COL6A3: variants seen among roughly 807,000 people sequenced by gnomAD.
COL6A3 encodes the protein collagen type VI alpha 3 chain.
Under a neutral mutation model 274.1 loss-of-function variants are expected in COL6A3, and 137 were observed. The observed-to-expected ratio is 0.50, with a 90% CI of 0.44 to 0.58. COL6A3 has a LOEUF of 0.58. COL6A3 is among the 20% of genes least tolerant of loss of function. The pLI, the probability that COL6A3 is intolerant of heterozygous loss-of-function variation, is 0.00. For missense variants in COL6A3, 3,950 were observed against 4,124.9 expected (o/e 0.96, Z 1.16); for synonymous variants, 1,650 against 1,650.6 (o/e 1.00, Z 0.01).
intron 21 of COL6A3, 23 bp from the exon 22 acceptor site, chr2:237,357,905 A>C (rs1245737785): frequency 6.2e-7 from 1 of 1,610,128 alleles, no homozygotes; most frequent in African/African-American, 1.3e-5. Context: ...TGGGAAAGGG[A>C]AATGAGCCAC....
At position 237,344,297 on chromosome 2, in the gene COL6A3, T is replaced by A; in HGVS notation, c.7668+53A>T. On this transcript the variant is annotated intron_variant, in intron 36 of 43. Coordinates refer to ENST00000295550, the MANE Select transcript of COL6A3 (RefSeq NM_004369.4). The surrounding 1 kb of genome is among the most constrained non-coding windows in gnomAD (Gnocchi z 4.8). The stretch of plus-strand genomic sequence containing the variant: ...GGAGCATGGACGTGTCTGAGAACCT[T>A]CTCAGAGCCCCAGAAGAAAGGGAGA... 2 of 1,613,530 alleles carry A rather than the reference T, an allele frequency of 1.2e-6. No individual in the cohort carries two copies. The highest frequency in any genetic ancestry group is 1.7e-6 in the Non-Finnish European group (2 of 1,179,928).
At chr2:237,336,082 G>T in intron 40 of COL6A3, 53 bp downstream of exon 40, 1 of 1,607,070 alleles carries the variant, frequency 6.2e-7, no homozygotes. Context: ...ACACACCCTG[G>T]AGCAGGAAAT....
intron 6 of COL6A3, 41 bp from the exon 7 acceptor site, chr2:237,377,385 C>A: frequency 1.9e-6 from 3 of 1,582,664 alleles, no homozygotes; most frequent in Non-Finnish European, 2.6e-6. Flanking sequence ...GGGACGAGAG[C>A]ATAACAGGAA....
At chr2:237,408,709 CT>C (rs1373273901) in intron 1 of COL6A3, among the ~76,000 whole-genome samples, 1 of 152,184 alleles carries the variant, frequency 6.6e-6, no homozygotes, top group Non-Finnish European at 1.5e-5. Flanking sequence ...TCCCATTGTA[CT>C]TTTCCCTGGC....
intron 42 of COL6A3, 23 bp downstream of exon 42, chr2:237,333,427 G>A: frequency 1.9e-6 from 3 of 1,599,248 alleles, no homozygotes; most frequent in Non-Finnish European, 1.7e-6. Context: ...GCCATTAATG[G>A]ACCTAATAGT....
At position 237,334,823 on chromosome 2, in the gene COL6A3, C is replaced by A. The variant is rs757374995; in HGVS notation, c.9032G>T (p.Arg3011Met). 7.4e-6 allele frequency: 12 copies of A among 1,614,030 alleles called. No individual in the cohort carries two copies. The Admixed American group carries it at 2.0e-4, about 27-fold the overall frequency. ...TENSAKLHWE[R>M]AEPPGPYFYD... ...AAAATAAGGACCGGGGGGCTCAGCC[C>A]TCTCCCAGTGGAGTTTGGCGCTGTT... The change falls in exon 41 of 44, where the codon AGG (arginine) becomes ATG (methionine). Residue 3011 changes from arginine (R) to methionine (M), a missense_variant. Arg to Met is a moderately conservative substitution (Grantham distance 91). This residue lies in a region of COL6A3 where 1,284 missense variants were observed against 1,349.7 expected (regional missense o/e 0.95). Coordinates refer to ENST00000295550, the MANE Select transcript of COL6A3 (RefSeq NM_004369.4).
Position 237,336,275 on chromosome 2 carries a change from G to A in COL6A3, c.8825C>T (p.Ala2942Val), listed in dbSNP as rs757146083. 2.2e-5 allele frequency: 36 copies of A among 1,613,870 alleles called. No individual in the cohort carries two copies. Among genetic ancestry groups the A allele is most frequent in the Middle Eastern group, 1.6e-4 (1 of 6,084 alleles). The change falls in exon 40 of 44, where the codon GCG becomes GTG. Residue 2942 changes from alanine (A) to valine (V), a missense_variant. Physicochemically the swap from Ala to Val is moderately conservative, Grantham distance 64 (BLOSUM62 0). Transcript: ENST00000295550. ...TGCTGGCTTTGCTGCTACAGGCTTC[G>A]CTGCCGTTGCTGGCTTCACCGCCAC... is the stretch of plus-strand genomic sequence containing the variant. ...PPVAVKPATA[A>V]KPVAAKPAAV... is the part of the protein sequence containing the mutation.
At chr2:237,349,218 C>T (rs759340227) in intron 28 of COL6A3, among the ~76,000 whole-genome samples, 6 of 151,720 alleles carry the variant, frequency 4.0e-5, no homozygotes, top group East Asian at 1.9e-4. Context: ...CAGAACTGGA[C>T]GTCATTAATT....
At chr2:237,348,698 C>T (rs749639451) in intron 28 of COL6A3, 35 bp from the exon 29 acceptor site, 11 of 1,601,652 alleles carry the variant, frequency 6.9e-6, no homozygotes, top group Non-Finnish European at 9.4e-6. Flanking sequence ...TGTAGGTCGC[C>T]ATGCCTGGCA....
At chr2:237,411,302 C>T (rs546407468) in intron 1 of COL6A3, among the ~76,000 whole-genome samples, 82 of 152,272 alleles carry the variant, frequency 5.4e-4, no homozygotes, top group African/African-American at 1.9e-3. Context: ...AAGTGTCACG[C>T]AATAGTATTC....
chr2:237,381,328 G>C lies in COL6A3; in HGVS notation c.1484C>G (p.Pro495Arg). Residue 495 changes from proline (P) to arginine (R), a missense_variant, in exon 5 of 44, where the codon CCT (proline) becomes CGT (arginine). By Grantham distance (103) the Pro-to-Arg change is moderately radical. Around this residue, in one of 5 missense-constraint regions of COL6A3, gnomAD observed 1,934 missense variants for 1,984.3 expected, o/e 0.97. Coordinates refer to ENST00000295550, the MANE Select transcript of COL6A3 (RefSeq NM_004369.4). ...AVAQYADTVR[P>R]EFYFNTHPTK... ...TGGATGGGTATTGAAATAAAATTCA[G>C]GCCTCACAGTGTCTGCATACTGGGC... is the stretch of plus-strand genomic sequence containing the variant. 8.1e-6 allele frequency: 13 copies of C among 1,614,188 alleles called. No individual in the cohort carries two copies. Among genetic ancestry groups the C allele is most frequent in the Non-Finnish European group, 1.1e-5 (13 of 1,180,040 alleles).
Position 237,336,485 on chromosome 2 carries a change from G to A in COL6A3, c.8615C>T (p.Thr2872Met), listed in dbSNP as rs759009226. 2.4e-5 allele frequency: 39 copies of A among 1,614,108 alleles called. No individual in the cohort carries two copies. The highest frequency in any genetic ancestry group is 1.6e-4 in the East Asian group (7 of 44,904). Reference sequence around the variant, plus strand: ...CGTCGTAGTCACCGGCTTCGTTGTCGTCACTGGGTTGGATGTAGGACTTGA... The same window carrying A: ...CGTCGTAGTCACCGGCTTCGTTGTCATCACTGGGTTGGATGTAGGACTTGA... ...VTSSPTSNPV[T>M]TTKPVTTTKP... Residue 2872 changes from threonine (T) to methionine (M), a missense_variant, in exon 40 of 44, where the codon ACG becomes ATG. Thr to Met is a moderately conservative substitution (Grantham distance 81). This residue lies in a region of COL6A3 where 1,284 missense variants were observed against 1,349.7 expected (regional missense o/e 0.95). Coordinates refer to ENST00000295550, the MANE Select transcript of COL6A3 (RefSeq NM_004369.4).
At chr2:237,377,512 G>A (rs758549629) in intron 6 of COL6A3, among the ~76,000 whole-genome samples, 168 bp from the exon 7 acceptor site, 2 of 152,180 alleles carry the variant, frequency 1.3e-5, no homozygotes, top group Non-Finnish European at 2.9e-5. Flanking sequence ...TCTTGAAAAT[G>A]TCCTATTTCA....
Position 237,394,606 on chromosome 2 carries a change from T to C in COL6A3, c.690A>G (p.Glu230=). The C allele has an allele frequency of 6.2e-7, 1 of 1,614,144 alleles. No individual in the cohort carries two copies. Among genetic ancestry groups the C allele is most frequent in the Non-Finnish European group, 8.5e-7 (1 of 1,180,020 alleles). ...SVSPERAGDT[E]TLKDITAQDS... ...CATTACCTGTGATGTCTTTAAGGGT[T>C]TCCGTGTCCCCAGCCCTTTCTGGAC... Residue 230 remains glutamate, a synonymous_variant, in exon 3 of 44, where the codon GAA becomes GAG. Transcript: ENST00000295550.
In COL6A3 at chr2:237,344,416, TGA is replaced by T; in HGVS notation, c.7600_7601del (p.Ser2534ArgfsTer25). The T allele has an allele frequency of 6.2e-7, 1 of 1,614,186 alleles. No individual in the cohort carries two copies. The highest frequency in any genetic ancestry group is 8.5e-7 in the Non-Finnish European group (1 of 1,180,008). ...PQLREAVLKL[S>X]DAGITPLFLT... The stretch of plus-strand genomic sequence containing the variant: ...GGAACAAGGGGGTGATCCCCGCATC[TGA>T]GAGCTTGAGCACAGCCTCTCTGAGC... On this transcript the variant is annotated frameshift_variant, in exon 36 of 44. Coordinates refer to ENST00000295550, the MANE Select transcript of COL6A3 (RefSeq NM_004369.4). LOFTEE classifies it high-confidence loss of function. The surrounding 1 kb of genome is among the most constrained non-coding windows in gnomAD (Gnocchi z 4.8).
Position 237,365,750 on chromosome 2 carries a change from G to T in COL6A3, c.5786C>A (p.Thr1929Asn), listed in dbSNP as rs1003990012. 6.2e-7 allele frequency: 1 copy of T among 1,614,198 alleles called. No homozygotes were observed. The highest frequency in any genetic ancestry group is 8.5e-7 in the Non-Finnish European group (1 of 1,180,046). The part of the protein sequence containing the change: ...SQHPYVLTED[T>N]LKVYLNKFRQ... ...GAACTTGTTCAGGTAGACCTTCAGG[G>T]TGTCCTCCGTGAGGACGTAGGGGTG... is the stretch of plus-strand genomic sequence containing the variant. Residue 1929 changes from threonine (T) to asparagine (N), a missense_variant, in exon 12 of 44, where the codon ACC (threonine) becomes AAC (asparagine). Coordinates refer to ENST00000295550, the MANE Select transcript of COL6A3 (RefSeq NM_004369.4).
chr2:237,351,007 G>T, intron 27 of COL6A3, 123 bp downstream of exon 27: 1 of 894,234 alleles, frequency 1.1e-6, no homozygotes, highest in Non-Finnish European at 1.9e-6. Context: ...CAACAGGGGA[G>T]GCTGGAGTGG....
chr2:237,371,940 G>A lies in COL6A3; in HGVS notation c.4077C>T (p.Leu1359=). The A allele has an allele frequency of 6.2e-7, 1 of 1,614,048 alleles. No homozygotes were observed. The highest frequency in any genetic ancestry group is 8.5e-7 in the Non-Finnish European group (1 of 1,180,032). The change falls in exon 9 of 44, where the codon CTC becomes CTT. Residue 1359 remains leucine, a synonymous_variant. Transcript: ENST00000295550. This position sits in a 1 kb window ranked among gnomAD's most constrained non-coding sequence, Gnocchi z 4.3. Reference sequence around the variant, plus strand: ...TGAAAGGGGCCACGCCAAACTGCTTGAGCTCCACCGCCGGGTCGTCCACCT... The same window carrying A: ...TGAAAGGGGCCACGCCAAACTGCTTAAGCTCCACCGCCGGGTCGTCCACCT... ...DDEVDDPAVE[L]KQFGVAPFTI...
chr2:237,329,923 G>A (rs1433335953), intron 42 of COL6A3: 2 of 152,154 alleles, frequency 1.3e-5, no homozygotes, highest in Non-Finnish European at 2.9e-5. Context: ...TATACAATTG[G>A]CCCAGTCATG....
Sources: gnomAD v4.1 joint callset for allele counts (sites outside exome capture counted in the v4.1 genomes callset) on GRCh38, gnomAD v4.1.1 for gene constraint, gnomAD v4.1.1 regional missense constraint, Gnocchi (gnomAD v3.1) non-coding constraint, MANE v1.5 for transcripts, NCBI Gene and HGNC (gene_info 2026-07-23, HGNC 2026-07-21) for gene names.